PFKFB4: variants seen among roughly 807,000 people sequenced by gnomAD.
PFKFB4 encodes 6-phosphofructo-2-kinase/fructose-2,6-biphosphatase 4.
Under a neutral mutation model 62.8 loss-of-function variants are expected in PFKFB4, and 42 were observed. The ratio of observed to expected loss-of-function variants is 0.67; its 90% CI spans 0.52 to 0.86. The LOEUF (loss-of-function observed/expected upper bound fraction) is 0.86, where lower values mean the gene tolerates loss of function less well. Ranked by LOEUF, PFKFB4 falls within the 40% of genes least tolerant of loss-of-function variation. The pLI is 0.00. For synonymous variants in PFKFB4, 204 were observed against 240.7 expected (o/e 0.85, Z 1.41); for missense variants, 475 against 627.2 (o/e 0.76, Z 2.59).
rs1191941743 is a variant in PFKFB4 at position 48,535,546 on chromosome 3, T to A, written c.953A>T (p.Tyr318Phe). 6.2e-7 allele frequency: 1 copy of A among 1,614,128 alleles called. No individual in the cohort carries two copies. The highest frequency in any genetic ancestry group is 2.2e-5 in the East Asian group (1 of 44,884). The change falls in exon 9 of 14, where the codon TAT becomes TTT. Residue 318 changes from tyrosine to phenylalanine, a missense_variant. Physicochemically the swap from Tyr to Phe is conservative, Grantham distance 22. Transcript: ENST00000232375. ...IQTAEALGVP[Y>F]EQWKVLNEID... ...CTCGTTGAGGACCTTCCACTGTTCA[T>A]AGGGCACACCCAGTGCCTCAGCCGT...
intron 9 of PFKFB4, among the ~76,000 whole-genome samples, chr3:48,528,072 C>T (rs1336703359): frequency 6.6e-6 from 1 of 152,042 alleles, no homozygotes; most frequent in Non-Finnish European, 1.5e-5. Context: ...CCTCTGTGAG[C>T]CCACAAGGGG....
intron 1 of PFKFB4, among the ~76,000 whole-genome samples, chr3:48,555,795 T>C (rs753560960): frequency 1.3e-4 from 19 of 151,588 alleles, no homozygotes; most frequent in South Asian, 4.2e-4. Context: ...TCCCAGCTAA[T>C]CGGGAGGTTG....
At chr3:48,559,390 G>A, upstream of PFKFB4, 1 of 392,832 alleles carries the variant, frequency 2.5e-6, no homozygotes, top group Non-Finnish European at 5.2e-6. Context: ...TCAGGAAGAG[G>A]GAGAAGGGTC....
intron 4 of PFKFB4, 84 bp from the exon 5 acceptor site, chr3:48,539,855 CGCA>C (rs1217921940): frequency 4.7e-6 from 5 of 1,053,036 alleles, no homozygotes; most frequent in Admixed American, 1.8e-5. Context: ...CAGTGAGGGC[CGCA>C]GCACAGGCTC....
rs147600835 is a variant in PFKFB4, at chr3:48,526,450, G to A, written c.988-781C>T. Among the ~76,000 whole-genome samples the A allele has an allele frequency of 3.1e-3, 467 of 151,814 alleles. 2 individuals are homozygous for A. The highest frequency in any genetic ancestry group is 9.3e-3 in the African/African-American group (386 of 41,378). ...TAGTTGGGCGTGGTGGCGCACGCCT[G>A]TAGTCCCAGCTACTCAGGAGGCTGA... is the stretch of plus-strand genomic sequence containing the variant. On this transcript the variant is annotated intron_variant, in intron 9 of 13. Coordinates refer to ENST00000232375, the MANE Select transcript of PFKFB4 (RefSeq NM_004567.4).
intron 3 of PFKFB4, among the ~76,000 whole-genome samples, chr3:48,546,033 G>A (rs539717010): frequency 7.2e-5 from 11 of 152,178 alleles, no homozygotes; most frequent in Non-Finnish European, 1.0e-4. Flanking sequence ...GTGTGTGTGT[G>A]TATAAGAGAG....
intron 10 of PFKFB4, among the ~76,000 whole-genome samples, chr3:48,524,999 G>A (rs913597207): frequency 6.6e-6 from 1 of 152,086 alleles, no homozygotes; most frequent in Admixed American, 6.5e-5. Flanking sequence ...TGGAGCCACA[G>A]GAAGGACAGG....
At chr3:48,538,461 C>T (rs2042695402) in intron 7 of PFKFB4, 37 bp downstream of exon 7, 1 of 1,608,146 alleles carries the variant, frequency 6.2e-7, no homozygotes, top group African/African-American at 1.3e-5. Context: ...TGCCGCCCAC[C>T]ATCACAGCTG....
At chr3:48,536,731 G>A (rs2042631559) in intron 7 of PFKFB4, 3 of 468,248 alleles carry the variant, frequency 6.4e-6, no homozygotes, top group East Asian at 3.5e-5. Flanking sequence ...TCCAAAGTGG[G>A]GGGTCCGCCA....
At chr3:48,557,195 C>T (rs2043350934), upstream of PFKFB4, among the ~76,000 whole-genome samples, 7 of 152,356 alleles carry the variant, frequency 4.6e-5, 1 homozygote, top group South Asian at 1.2e-3. Flanking sequence ...CATCCCTGAG[C>T]AGCGGCACGC....
chr3:48,543,724 G>T (rs2042872899), intron 3 of PFKFB4, 78 bp from the exon 4 acceptor site: 16 of 1,103,692 alleles, frequency 1.4e-5, no homozygotes, highest in Non-Finnish European at 1.5e-5. Context: ...CACAACAGGA[G>T]GAGACATGAC....
chr3:48,530,420 T>G (rs994146203), intron 9 of PFKFB4, among the ~76,000 whole-genome samples: 9 of 152,196 alleles, frequency 5.9e-5, no homozygotes, highest in Non-Finnish European at 1.0e-4. Flanking sequence ...ATGAGCTTTG[T>G]TAAGTATATT....
At position 48,523,700 on chromosome 3, in the gene PFKFB4, C is replaced by G; in HGVS notation, c.1222+1G>C. 6.2e-7 allele frequency: 1 copy of G among 1,614,146 alleles called. No homozygotes were observed. The highest frequency in any genetic ancestry group is 1.1e-5 in the South Asian group (1 of 91,082). ...CACCTCCCCCGGGGCACAGCCCACA[C>G]CTGCTGCCTTGTCGAGGAAGTAGGC... On this transcript the variant is annotated splice_donor_variant, in intron 11 of 13. Transcript: ENST00000232375. LOFTEE classifies it high-confidence loss of function.
At chr3:48,537,495 G>C (rs1294456242) in intron 7 of PFKFB4, among the ~76,000 whole-genome samples, 1 of 131,744 alleles carries the variant, frequency 7.6e-6, no homozygotes, top group Non-Finnish European at 1.6e-5. Flanking sequence ...AGTTGCTTGT[G>C]TTTCTTGGTT....
chr3:48,560,970 T>C, upstream of PFKFB4: 2 of 610,778 alleles, frequency 3.3e-6, no homozygotes, highest in East Asian at 1.4e-4. Context: ...CCCCCAACAC[T>C]CTCGCACCCC....
At chr3:48,537,430 C>G (rs1036151632) in intron 7 of PFKFB4, among the ~76,000 whole-genome samples, 1 of 151,608 alleles carries the variant, frequency 6.6e-6, no homozygotes, top group Non-Finnish European at 1.5e-5. Context: ...TGGGCTGGCT[C>G]TAGAACCCAG....
At chr3:48,520,531 C>A (rs1380121443) in intron 13 of PFKFB4, among the ~76,000 whole-genome samples, 1 of 152,212 alleles carries the variant, frequency 6.6e-6, no homozygotes, top group African/African-American at 2.4e-5. Context: ...GCTGCTGCCC[C>A]ATGCAACATG....
At chr3:48,538,740 C>T in intron 6 of PFKFB4, 121 bp from the exon 7 acceptor site, 1 of 1,299,724 alleles carries the variant, frequency 7.7e-7, no homozygotes, top group Non-Finnish European at 1.1e-6. Flanking sequence ...GTGCGGGAAC[C>T]TGAGGCTGGA....
intron 2 of PFKFB4, 29 bp from the exon 3 acceptor site, chr3:48,549,989 C>G: frequency 6.5e-7 from 1 of 1,537,462 alleles, no homozygotes. Context: ...TCAGCTTTCA[C>G]AGCAACAGCA....
Sources: allele counts gnomAD v4.1 joint callset (sites outside exome capture counted in the v4.1 genomes callset), GRCh38; gene constraint gnomAD v4.1.1; transcripts MANE v1.5; gene names NCBI Gene and HGNC (gene_info 2026-07-23, HGNC 2026-07-21).